AGTPBP1: variants seen among roughly 807,000 people sequenced by gnomAD.
AGTPBP1 encodes cytosolic carboxypeptidase 1.
AGTPBP1 carries 70 observed loss-of-function variants against 143.9 expected under a neutral mutation model. That is an observed-to-expected ratio of 0.49 (90% CI 0.40 to 0.59). The LOEUF (loss-of-function observed/expected upper bound fraction) is 0.59. Among genes scored for constraint, AGTPBP1 ranks in the 20% least tolerant of loss-of-function variants. The pLI, the probability that AGTPBP1 is intolerant of heterozygous loss-of-function variation, is 0.00. For missense variants in AGTPBP1, 1,229 were observed against 1,464.5 expected (o/e 0.84, Z 2.62); for synonymous variants, 463 against 500.2 (o/e 0.93, Z 0.99).
chr9:85,560,450 C>T (rs111405210), intron 25 of AGTPBP1, among the ~76,000 whole-genome samples: 4 of 152,248 alleles, frequency 2.6e-5, no homozygotes, highest in African/African-American at 7.2e-5. Flanking sequence ...CACATAGGAC[C>T]AAAAGGCAGA....
chr9:85,654,354 C>T (rs1833357708), intron 11 of AGTPBP1, among the ~76,000 whole-genome samples: 2 of 151,958 alleles, frequency 1.3e-5, no homozygotes, highest in Admixed American at 1.3e-4. Flanking sequence ...TGACAAACAG[C>T]CTACCTCAGA....
chr9:85,706,441 C>G (rs1367277299), intron 2 of AGTPBP1, among the ~76,000 whole-genome samples: 1 of 147,438 alleles, frequency 6.8e-6, no homozygotes, highest in African/African-American at 2.5e-5. Flanking sequence ...ACCCGGGAAG[C>G]GGAAGTTGCA....
intron 17 of AGTPBP1, among the ~76,000 whole-genome samples, chr9:85,599,078 T>C (rs754734513): frequency 7.3e-5 from 11 of 151,336 alleles, no homozygotes; most frequent in South Asian, 2.1e-4. Flanking sequence ...GCCTAGTTCA[T>C]CTTCGTCCAT....
At chr9:85,805,462 C>G in the AGTPBP1 span, 1 of 151,914 alleles carries the variant, frequency 6.6e-6, no homozygotes, top group African/African-American at 2.4e-5. Flanking sequence ...CCGCCCGGCG[C>G]GAGCCTGCCC....
At chr9:85,748,936 A>G in the AGTPBP1 span, among the ~76,000 whole-genome samples, 3 of 151,454 alleles carry the variant, frequency 2.0e-5, no homozygotes, top group South Asian at 4.2e-4. Flanking sequence ...TTCAAAGAGT[A>G]GAAGTCTGCT....
At chr9:85,666,844 C>G (rs1834163359) in intron 8 of AGTPBP1, among the ~76,000 whole-genome samples, 1 of 152,028 alleles carries the variant, frequency 6.6e-6, no homozygotes, top group Non-Finnish European at 1.5e-5. Flanking sequence ...AAAAGCATAA[C>G]TAATGTACTT....
At chr9:85,718,010 A>G (rs545630229) in intron 1 of AGTPBP1, among the ~76,000 whole-genome samples, 8 of 152,312 alleles carry the variant, frequency 5.3e-5, no homozygotes, top group Non-Finnish European at 7.4e-5. Flanking sequence ...ACATGAACTC[A>G]TCATTTTTTA....
chr9:85,757,567 G>A, the AGTPBP1 span, among the ~76,000 whole-genome samples: 5 of 152,190 alleles, frequency 3.3e-5, no homozygotes, highest in African/African-American at 1.2e-4. Flanking sequence ...TGCATTGCAA[G>A]TACCTAGAGA....
intron 3 of AGTPBP1, among the ~76,000 whole-genome samples, chr9:85,683,781 C>T (rs567395773): frequency 6.6e-6 from 1 of 152,244 alleles, no homozygotes; most frequent in South Asian, 2.1e-4. Flanking sequence ...ACTTATGGCC[C>T]ATAACCTCCT....
intron 8 of AGTPBP1, among the ~76,000 whole-genome samples, chr9:85,665,846 C>T (rs1176263350): frequency 6.6e-6 from 1 of 152,030 alleles, no homozygotes; most frequent in African/African-American, 2.4e-5. Flanking sequence ...GGTGCAAAGT[C>T]ATTTGTAAAT....
intron 3 of AGTPBP1, among the ~76,000 whole-genome samples, chr9:85,685,868 A>G (rs576629134): frequency 6.6e-6 from 1 of 152,150 alleles, no homozygotes; most frequent in Admixed American, 6.5e-5. Flanking sequence ...TTCTAAATTT[A>G]CATGAAGTAA....
intron 7 of AGTPBP1, 124 bp downstream of exon 7, chr9:85,672,426 G>T: frequency 9.1e-7 from 1 of 1,103,084 alleles, no homozygotes; most frequent in African/African-American, 1.6e-5. Context: ...GTTAAAATGA[G>T]CCATATTAAA....
At chr9:85,646,901 T>C (rs1832843914) in intron 11 of AGTPBP1, among the ~76,000 whole-genome samples, 1 of 151,710 alleles carries the variant, frequency 6.6e-6, no homozygotes, top group South Asian at 2.1e-4. Context: ...GGGCTACACA[T>C]AAAATACACT....
chr9:85,614,974 C>G (rs193194303), intron 17 of AGTPBP1, among the ~76,000 whole-genome samples: 1 of 152,108 alleles, frequency 6.6e-6, no homozygotes, highest in Non-Finnish European at 1.5e-5. Flanking sequence ...GGCTTCTGAA[C>G]GGTATTTCGT....
the AGTPBP1 span, among the ~76,000 whole-genome samples, chr9:85,752,421 G>T: frequency 6.6e-6 from 1 of 152,132 alleles, no homozygotes; most frequent in African/African-American, 2.4e-5. Flanking sequence ...TGGATGTCTT[G>T]GGTGGAGTAA....
At chr9:85,575,015 G>A (rs1827806085) in intron 25 of AGTPBP1, among the ~76,000 whole-genome samples, 1 of 152,110 alleles carries the variant, frequency 6.6e-6, no homozygotes. Flanking sequence ...AGCTGTCTAA[G>A]CCCTCTTAAC....
chr9:85,799,243 C>T, the AGTPBP1 span, among the ~76,000 whole-genome samples: 8 of 152,036 alleles, frequency 5.3e-5, no homozygotes, highest in South Asian at 1.0e-3. Flanking sequence ...ATAGACACTT[C>T]GGTTGGTTCT....
intron 25 of AGTPBP1, among the ~76,000 whole-genome samples, chr9:85,564,743 G>A (rs557777903): frequency 1.3e-5 from 2 of 152,138 alleles, no homozygotes; most frequent in African/African-American, 2.4e-5. Context: ...ATATTCATAC[G>A]ATGATGAAAT....
chr9:85,629,007 G>A (rs572790851), intron 14 of AGTPBP1, among the ~76,000 whole-genome samples: 5 of 152,172 alleles, frequency 3.3e-5, no homozygotes, highest in South Asian at 4.2e-4. Context: ...GAGCCACCAC[G>A]CCCAGCCAAC....
Sources: gnomAD v4.1 joint callset for allele counts (sites outside exome capture counted in the v4.1 genomes callset) on GRCh38, gnomAD v4.1.1 for gene constraint, MANE v1.5 for transcripts, NCBI Gene and HGNC (gene_info 2026-07-23, HGNC 2026-07-21) for gene names.